The following FRY variants were observed in gnomAD, a reference collection of about 807,000 sequenced individuals.
FRY encodes the protein FRY microtubule binding protein, also known as protein furry homolog.
In FRY, 128 loss-of-function variants were observed where a neutral mutation model predicts 348.4. The observed-to-expected ratio is 0.37, with a 90% CI of 0.32 to 0.43. FRY has a LOEUF of 0.43. FRY is among the 20% of genes least tolerant of loss of function. FRY has a pLI of 1.00. For missense variants in FRY, 2,736 were observed against 3,695.2 expected (o/e 0.74, Z 6.73); for synonymous variants, 1,370 against 1,374.7 (o/e 1.00, Z 0.08).
chr13:32,079,581 T>C (rs550872223), intron 2 of FRY, among the ~76,000 whole-genome samples: 14 of 152,270 alleles, frequency 9.2e-5, no homozygotes, highest in Non-Finnish European at 2.1e-4. Context: ...TGACTTACCT[T>C]TAGTTCCCTC....
chr13:32,211,617 T>C (rs1233558120), intron 34 of FRY, among the ~76,000 whole-genome samples: 1 of 152,216 alleles, frequency 6.6e-6, no homozygotes, highest in East Asian at 1.9e-4. Flanking sequence ...GAATCTCATT[T>C]CTGGATCCCC....
chr13:32,131,162 A>T (rs1208117483), intron 7 of FRY, among the ~76,000 whole-genome samples: 4 of 152,240 alleles, frequency 2.6e-5, no homozygotes, highest in African/African-American at 9.6e-5. Flanking sequence ...TTCAATAATC[A>T]TTATCCTACA....
At chr13:32,074,856 C>G (rs1874929259) in intron 1 of FRY, among the ~76,000 whole-genome samples, 1 of 152,134 alleles carries the variant, frequency 6.6e-6, no homozygotes, top group Non-Finnish European at 1.5e-5. Context: ...AGAAGGCTGA[C>G]CCTTGGGGCA....
intron 29 of FRY, among the ~76,000 whole-genome samples, chr13:32,198,421 G>T (rs1411754606): frequency 6.6e-6 from 1 of 152,200 alleles, no homozygotes; most frequent in Non-Finnish European, 1.5e-5. Context: ...AGAAAGGTCT[G>T]TTCCAAGATA....
chr13:32,099,002 A>C (rs541983706), intron 2 of FRY, among the ~76,000 whole-genome samples: 4 of 151,894 alleles, frequency 2.6e-5, no homozygotes, highest in Non-Finnish European at 4.4e-5. Context: ...CTTCAAGAAC[A>C]AAGACAGTTG....
intron 51 of FRY, among the ~76,000 whole-genome samples, chr13:32,259,047 C>A (rs1490713264): frequency 6.6e-6 from 1 of 152,226 alleles, no homozygotes; most frequent in Non-Finnish European, 1.5e-5. Flanking sequence ...TGTAAACCCT[C>A]AGTGGTTTTT....
chr13:32,208,937 A>G lies in FRY; in HGVS notation c.4103A>G (p.Glu1368Gly). The G allele has an allele frequency of 6.2e-7, 1 of 1,614,138 alleles. No individual in the cohort carries two copies. The highest frequency in any genetic ancestry group is 8.5e-7 in the Non-Finnish European group (1 of 1,180,038). The change falls in exon 32 of 61, where the codon GAG (glutamate) becomes GGG (glycine). Residue 1368 changes from glutamate to glycine, a missense_variant. Physicochemically the swap from Glu to Gly is moderately conservative, Grantham distance 98. Transcript: ENST00000542859. ...TYLLPWLHNI[E>G]LVDSRLLLPG... ...CTGCTGCCCTGGCTGCACAACATCG[A>G]GCTGGTGGACAGCAGGCTCCTCCTC... is the stretch of plus-strand genomic sequence containing the variant.
intron 51 of FRY, among the ~76,000 whole-genome samples, chr13:32,255,273 T>A (rs1325871067): frequency 1.3e-5 from 2 of 152,174 alleles, no homozygotes; most frequent in Non-Finnish European, 2.9e-5. Context: ...TCTCTGCTAG[T>A]CCTACAATTG....
chr13:32,135,226 C>T, intron 10 of FRY, 43 bp downstream of exon 10: 3 of 1,170,774 alleles, frequency 2.6e-6, no homozygotes, highest in Non-Finnish European at 3.9e-6. Flanking sequence ...CAAAACTGCA[C>T]AGACTAAAAT....
At chr13:32,226,155 GCTTT>G (rs1401435680) in intron 39 of FRY, among the ~76,000 whole-genome samples, 181 bp downstream of exon 39, 3 of 152,040 alleles carry the variant, frequency 2.0e-5, no homozygotes, top group Admixed American at 6.6e-5. Flanking sequence ...CCTCTCAAAA[GCTTT>G]CTTTATTATT....
chr13:32,278,325 C>A, intron 57 of FRY, 140 bp from the exon 58 acceptor site: 1 of 669,868 alleles, frequency 1.5e-6, no homozygotes, highest in Non-Finnish European at 2.8e-6. Flanking sequence ...CAAATACGAC[C>A]CTTTTCAAAA....
chr13:32,212,900 A>G (rs1371350569), intron 35 of FRY, among the ~76,000 whole-genome samples: 2 of 152,084 alleles, frequency 1.3e-5, no homozygotes, highest in Non-Finnish European at 2.9e-5. Flanking sequence ...TTTCCCCTAT[A>G]TCTCAGCCTT....
At chr13:32,166,345 C>T (rs931451491) in intron 17 of FRY, among the ~76,000 whole-genome samples, 1 of 152,174 alleles carries the variant, frequency 6.6e-6, no homozygotes, top group Non-Finnish European at 1.5e-5. Context: ...TTCTTTCTTT[C>T]CTGGTCTAGT....
chr13:32,244,679 T>C (rs1167308402), intron 47 of FRY, among the ~76,000 whole-genome samples: 2 of 152,118 alleles, frequency 1.3e-5, no homozygotes, highest in African/African-American at 4.8e-5. Flanking sequence ...ACAAAAAACA[T>C]TTGTTTGAGG....
chr13:32,046,678 C>T (rs1239133427), intron 1 of FRY, among the ~76,000 whole-genome samples: 1 of 152,158 alleles, frequency 6.6e-6, no homozygotes, highest in Non-Finnish European at 1.5e-5. Flanking sequence ...TATTGTGTTT[C>T]CATGTAAGGA....
At chr13:32,054,011 A>T (rs1381369759) in intron 1 of FRY, among the ~76,000 whole-genome samples, 1 of 152,162 alleles carries the variant, frequency 6.6e-6, no homozygotes, top group Non-Finnish European at 1.5e-5. Flanking sequence ...AAAATAAAAC[A>T]ATAAAAGATG....
chr13:32,117,533 ATC>A, intron 4 of FRY, 60 bp downstream of exon 4: 2 of 1,573,630 alleles, frequency 1.3e-6, no homozygotes, highest in Non-Finnish European at 1.7e-6. Context: ...GGAAACATAA[ATC>A]AAAATTAGAG....
intron 51 of FRY, among the ~76,000 whole-genome samples, chr13:32,260,690 A>G (rs1034793595): frequency 2.7e-5 from 4 of 149,950 alleles, no homozygotes; most frequent in African/African-American, 9.9e-5. Context: ...GCCTGGCAAC[A>G]TGGCAAAATC....
At chr13:32,034,611 G>A (rs204127) in intron 1 of FRY, among the ~76,000 whole-genome samples, 70,104 of 151,896 alleles carry the variant, frequency 0.46, 18,210 homozygotes, top group South Asian at 0.59. Flanking sequence ...TGGTTCTCAC[G>A]GCTGCGGCCC....
Sources: gnomAD v4.1 joint callset for allele counts (sites outside exome capture counted in the v4.1 genomes callset) on GRCh38, gnomAD v4.1.1 for gene constraint, MANE v1.5 for transcripts, NCBI Gene and HGNC (gene_info 2026-07-23, HGNC 2026-07-21) for gene names.